SLC16A7: variants seen among roughly 807,000 people sequenced by gnomAD.
The protein encoded by SLC16A7 is monocarboxylate transporter 2.
A neutral mutation model predicts 34.9 loss-of-function variants in SLC16A7; 33 were observed. That is an observed-to-expected ratio of 0.94 (90% CI 0.72 to 1.26). SLC16A7 has a LOEUF of 1.26. SLC16A7 is among the 50% of genes most tolerant of loss of function. The pLI, the probability that SLC16A7 is intolerant of heterozygous loss-of-function variation, is 0.00. For missense variants in SLC16A7, 573 were observed against 578.1 expected (o/e 0.99, Z 0.09); for synonymous variants, 201 against 206.6 (o/e 0.97, Z 0.23).
intron 2 of SLC16A7, among the ~76,000 whole-genome samples, chr12:59,672,211 T>C (rs1452307981): frequency 1.1e-4 from 5 of 45,796 alleles, no homozygotes; most frequent in Non-Finnish European, 1.3e-4. Flanking sequence ...CATATATACG[T>C]ATATATATGT....
At chr12:59,714,532 A>T (rs903696983) in intron 3 of SLC16A7, among the ~76,000 whole-genome samples, 1 of 149,352 alleles carries the variant, frequency 6.7e-6, no homozygotes, top group Non-Finnish European at 1.5e-5. Context: ...TTGCATGTGC[A>T]CCCACCCCTG....
chr12:59,786,846 TGTAGA>T lies in SLC16A7; in HGVS notation c.*7171_*7175del, dbSNP rs1210219768. ...GCCGTAAGGTCATAATGATGATCTT[TGTAGA>T]GTAAATAAAATATTTTCCTAGAAAT... On this transcript the variant is annotated 3_prime_UTR_variant, in exon 6 of 6. Coordinates refer to ENST00000547379, the MANE Select transcript of SLC16A7 (RefSeq NM_001270623.2). 6.6e-6 allele frequency: 1 copy of T among 152,182 alleles called. No homozygotes were observed. Among genetic ancestry groups the T allele is most frequent in the African/African-American group, 2.4e-5 (1 of 41,454 alleles). 9.4% of individuals were successfully genotyped at this position (152,182 alleles called of 1,614,324 possible).
chr12:59,770,377 G>A (rs755193917), intron 3 of SLC16A7, among the ~76,000 whole-genome samples: 4 of 151,924 alleles, frequency 2.6e-5, no homozygotes, highest in Non-Finnish European at 5.9e-5. Flanking sequence ...TTTTTCCAGT[G>A]ATTTCATCTA....
chr12:59,604,970 C>T (rs1411614901), intron 1 of SLC16A7, among the ~76,000 whole-genome samples: 2 of 152,202 alleles, frequency 1.3e-5, no homozygotes, highest in African/African-American at 4.8e-5. Context: ...CCTCAGCCTC[C>T]CAAGTAGCTG....
intron 3 of SLC16A7, among the ~76,000 whole-genome samples, chr12:59,727,255 C>T (rs1191907596): frequency 6.6e-6 from 1 of 151,440 alleles, no homozygotes; most frequent in East Asian, 1.9e-4. Context: ...GAGTTAGTCC[C>T]TGGTGATGAC....
At chr12:59,727,170 A>ATATATATATATAATAT (rs1555174538) in intron 3 of SLC16A7, among the ~76,000 whole-genome samples, 4 of 144,380 alleles carry the variant, frequency 2.8e-5, no homozygotes, top group African/African-American at 8.0e-5. Flanking sequence ...ATATATATAT[A>ATATATATATATAATAT]ATATATATAT....
intron 2 of SLC16A7, among the ~76,000 whole-genome samples, chr12:59,676,159 A>G (rs557406542): frequency 1.4e-4 from 21 of 152,270 alleles, no homozygotes; most frequent in East Asian, 9.6e-4. Flanking sequence ...CAGCAGAGTC[A>G]TTGTACAGAT....
At chr12:59,648,131 T>A (rs1868280409) in intron 1 of SLC16A7, among the ~76,000 whole-genome samples, 1 of 151,920 alleles carries the variant, frequency 6.6e-6, no homozygotes, top group Non-Finnish European at 1.5e-5. Flanking sequence ...GAACTTAAGG[T>A]TAAGGGATGA....
intron 3 of SLC16A7, among the ~76,000 whole-genome samples, chr12:59,765,361 C>G (rs941092897): frequency 1.3e-5 from 2 of 152,158 alleles, no homozygotes; most frequent in African/African-American, 4.8e-5. Context: ...TCAATTTTGG[C>G]TTTTGTTGCC....
At chr12:59,710,753 T>C (rs1795888) in intron 3 of SLC16A7, among the ~76,000 whole-genome samples, 8,900 of 152,252 alleles carry the variant, frequency 0.058, 817 homozygotes, top group African/African-American at 0.2. Context: ...ATTATATCAT[T>C]ACTCACTTTA....
intron 2 of SLC16A7, chr12:59,696,281 G>T (rs1475283276): frequency 1.3e-5 from 2 of 151,572 alleles, no homozygotes; most frequent in Non-Finnish European, 2.9e-5. Flanking sequence ...ATTCAATTTT[G>T]CTAATTATTA....
intron 2 of SLC16A7, among the ~76,000 whole-genome samples, chr12:59,665,809 C>A (rs1375198757): frequency 7.0e-6 from 1 of 142,986 alleles, no homozygotes; most frequent in South Asian, 2.2e-4. Context: ...ATATATAACA[C>A]GTGTGTGTGT....
chr12:59,704,199 C>CAAAAAAAAAAAAAAAAAA (rs34021022), intron 2 of SLC16A7, among the ~76,000 whole-genome samples: 19 of 51,534 alleles, frequency 3.7e-4, no homozygotes, highest in Admixed American at 1.2e-3. Flanking sequence ...GACTCTGTCT[C>CAAAAAAAAAAAAAAAAAA]AAAAAAAAAA....
At chr12:59,672,523 G>A (rs1020939661) in intron 2 of SLC16A7, among the ~76,000 whole-genome samples, 41 of 151,796 alleles carry the variant, frequency 2.7e-4, no homozygotes, top group African/African-American at 9.7e-4. Flanking sequence ...ATTCCAGCAG[G>A]CTCATTGTTT....
chr12:59,706,263 T>C (rs930151833), intron 3 of SLC16A7, among the ~76,000 whole-genome samples: 16 of 152,260 alleles, frequency 1.1e-4, no homozygotes, highest in African/African-American at 3.8e-4. Flanking sequence ...GTGTACCACC[T>C]CCACCAATGT....
intron 1 of SLC16A7, among the ~76,000 whole-genome samples, chr12:59,642,505 C>A (rs1039806093): frequency 6.6e-6 from 1 of 151,978 alleles, no homozygotes. Flanking sequence ...AACTCTAAAG[C>A]TTAATGCAGT....
At chr12:59,617,524 C>T (rs1480750376) in intron 1 of SLC16A7, among the ~76,000 whole-genome samples, 1 of 151,808 alleles carries the variant, frequency 6.6e-6, no homozygotes, top group Non-Finnish European at 1.5e-5. Flanking sequence ...CCTGTACATA[C>T]CTGAAGAGTA....
intron 2 of SLC16A7, among the ~76,000 whole-genome samples, chr12:59,699,932 T>C (rs761208734): frequency 1.2e-4 from 18 of 151,788 alleles, no homozygotes; most frequent in Non-Finnish European, 2.4e-4. Flanking sequence ...ACCATGTTTT[T>C]CACATTTTGT....
At chr12:59,683,146 C>T (rs1470585424) in intron 2 of SLC16A7, among the ~76,000 whole-genome samples, 1 of 152,104 alleles carries the variant, frequency 6.6e-6, no homozygotes, top group East Asian at 1.9e-4. Flanking sequence ...GAAAATTTCT[C>T]AAATCTACCA....
Sources: allele counts gnomAD v4.1 joint callset (sites outside exome capture counted in the v4.1 genomes callset), GRCh38; gene constraint gnomAD v4.1.1; transcripts MANE v1.5; gene names NCBI Gene and HGNC (gene_info 2026-07-23, HGNC 2026-07-21).